The following ANGPT1 variants were observed in gnomAD, a reference collection of about 807,000 sequenced individuals.
ANGPT1 encodes the protein angiopoietin-1.
Under a neutral mutation model 62.2 loss-of-function variants are expected in ANGPT1, and 17 were observed. The ratio of observed to expected loss-of-function variants is 0.27; its 90% CI spans 0.19 to 0.41. The LOEUF (loss-of-function observed/expected upper bound fraction) is 0.41. Among genes scored for constraint, ANGPT1 ranks in the 10% least tolerant of loss-of-function variants. ANGPT1 has a pLI of 1.00. For synonymous variants in ANGPT1, 199 were observed against 198.9 expected (o/e 1.00, Z 0.00); for missense variants, 478 against 594.9 (o/e 0.80, Z 2.04).
At chr8:107,272,956 C>T (rs1586176730) in intron 7 of ANGPT1, among the ~76,000 whole-genome samples, 2 of 150,296 alleles carry the variant, frequency 1.3e-5, no homozygotes, top group East Asian at 2.0e-4. Context: ...AAAACACAAA[C>T]AGTCCCTTAA....
In ANGPT1 at chr8:107,353,236, G is replaced by A. The variant is rs143774926; in HGVS notation, c.298-6139C>T. 4.0e-4 allele frequency among the ~76,000 whole-genome samples: 61 copies of A among 152,214 alleles called. No homozygotes were observed. In the East Asian group the frequency reaches 0.011, roughly 28 times the overall value. On this transcript the variant is annotated intron_variant, in intron 1 of 8. Coordinates refer to ENST00000517746, the MANE Select transcript of ANGPT1 (RefSeq NM_001146.5). ...CTGAAAGAGACATTAAATATTATGA[G>A]CTCCAAGGATCTTGTTTTATAGATG...
intron 1 of ANGPT1, among the ~76,000 whole-genome samples, chr8:107,405,187 C>A (rs555673488): frequency 1.3e-5 from 2 of 151,820 alleles, no homozygotes; most frequent in Admixed American, 1.3e-4. Context: ...CTATTATATG[C>A]AATTATATAT....
intron 1 of ANGPT1, among the ~76,000 whole-genome samples, chr8:107,422,618 C>G (rs1810921470): frequency 6.6e-6 from 1 of 152,052 alleles, no homozygotes; most frequent in South Asian, 2.1e-4. Flanking sequence ...AACATAATCG[C>G]CCACATTTGT....
intron 1 of ANGPT1, among the ~76,000 whole-genome samples, chr8:107,392,312 A>C (rs1212694280): frequency 6.6e-6 from 1 of 152,144 alleles, no homozygotes; most frequent in Non-Finnish European, 1.5e-5. Flanking sequence ...CACCCATTCC[A>C]GTGTATTAGA....
intron 4 of ANGPT1, among the ~76,000 whole-genome samples, chr8:107,309,093 C>T (rs1484311914): frequency 6.6e-6 from 1 of 152,148 alleles, no homozygotes; most frequent in African/African-American, 2.4e-5. Context: ...AGCCTTGCTA[C>T]CAGAGACAGT....
intron 1 of ANGPT1, among the ~76,000 whole-genome samples, chr8:107,421,516 C>T (rs148517142): frequency 6.6e-6 from 1 of 152,096 alleles, no homozygotes; most frequent in Non-Finnish European, 1.5e-5. Flanking sequence ...AAGAGAAATT[C>T]GACTTCGGTG....
chr8:107,271,667 G>A (rs547089959), intron 7 of ANGPT1, among the ~76,000 whole-genome samples: 1 of 152,032 alleles, frequency 6.6e-6, no homozygotes, highest in Non-Finnish European at 1.5e-5. Context: ...TACTAAACAT[G>A]AAGGACAAGA....
At chr8:107,343,998 G>GCTGCAGTGAGCCCTGATCAGCCA (rs1815750611) in intron 2 of ANGPT1, among the ~76,000 whole-genome samples, 1 of 152,148 alleles carries the variant, frequency 6.6e-6, no homozygotes, top group Admixed American at 6.5e-5. Context: ...GAAGGTTGAG[G>GCTGCAGTGAGCCCTGATCAGCCA]CTGCAGTGAG....
At chr8:107,457,887 CT>C (rs1811965267) in intron 1 of ANGPT1, among the ~76,000 whole-genome samples, 1 of 149,328 alleles carries the variant, frequency 6.7e-6, no homozygotes, top group African/African-American at 2.5e-5. Flanking sequence ...AAAAAAATAC[CT>C]ATGAAAGCAT....
intron 3 of ANGPT1, among the ~76,000 whole-genome samples, chr8:107,328,808 G>A (rs1364747599): frequency 6.6e-6 from 1 of 151,804 alleles, no homozygotes; most frequent in Non-Finnish European, 1.5e-5. Context: ...GAAAGCCCAG[G>A]TACTCTTAGG....
intron 1 of ANGPT1, among the ~76,000 whole-genome samples, chr8:107,466,771 G>A (rs1812209759): frequency 6.6e-6 from 1 of 151,958 alleles, no homozygotes; most frequent in Non-Finnish European, 1.5e-5. Flanking sequence ...ACCTAGCTCG[G>A]TGTGGTGGCA....
chr8:107,289,597 T>C (rs1038484131), intron 6 of ANGPT1, among the ~76,000 whole-genome samples: 3 of 152,172 alleles, frequency 2.0e-5, no homozygotes, highest in African/African-American at 7.2e-5. Context: ...CTGAAACAAA[T>C]TTTGTATTTC....
intron 1 of ANGPT1, among the ~76,000 whole-genome samples, chr8:107,365,184 A>T (rs2130220351): frequency 6.6e-6 from 1 of 152,338 alleles, no homozygotes; most frequent in Middle Eastern, 3.4e-3. Context: ...AAGCATTTCA[A>T]GTTACTGATG....
intron 4 of ANGPT1, among the ~76,000 whole-genome samples, chr8:107,318,687 T>C (rs1815078212): frequency 1.4e-5 from 2 of 147,388 alleles, no homozygotes. Flanking sequence ...CTATTTCTTT[T>C]TTAAATTTGA....
intron 1 of ANGPT1, among the ~76,000 whole-genome samples, chr8:107,442,520 C>G (rs1811508658): frequency 6.6e-6 from 1 of 152,086 alleles, no homozygotes; most frequent in South Asian, 2.1e-4. Context: ...TAAGAGTAAG[C>G]AAACCAAGTC....
chr8:107,444,963 T>C (rs2130440353), intron 1 of ANGPT1, among the ~76,000 whole-genome samples: 1 of 152,310 alleles, frequency 6.6e-6, no homozygotes, highest in East Asian at 1.9e-4. Flanking sequence ...TATCTTGAGA[T>C]GTTATTCTTC....
intron 1 of ANGPT1, among the ~76,000 whole-genome samples, chr8:107,415,369 T>C (rs183931393): frequency 8.3e-4 from 127 of 152,262 alleles, no homozygotes; most frequent in Admixed American, 2.7e-3. Context: ...TTTAGTGACA[T>C]TCTACCCTAA....
intron 1 of ANGPT1, among the ~76,000 whole-genome samples, chr8:107,459,880 A>G (rs1812021003): frequency 6.6e-6 from 1 of 152,290 alleles, no homozygotes; most frequent in East Asian, 1.9e-4. Flanking sequence ...CTCATTTTCA[A>G]TGTTCTGCCC....
intron 1 of ANGPT1, among the ~76,000 whole-genome samples, chr8:107,419,038 C>T (rs1810826594): frequency 6.6e-6 from 1 of 152,138 alleles, no homozygotes; most frequent in South Asian, 2.1e-4. Flanking sequence ...GATATGTGTA[C>T]ATGTATCAAT....
Sources: gnomAD v4.1 joint callset for allele counts (sites outside exome capture counted in the v4.1 genomes callset) on GRCh38, gnomAD v4.1.1 for gene constraint, MANE v1.5 for transcripts, NCBI Gene and HGNC (gene_info 2026-07-23, HGNC 2026-07-21) for gene names.